Variants in MDFIC2 observed in about 807,000 individuals in gnomAD.
MDFIC2 encodes the protein MyoD family inhibitor domain containing 2.
intron 2 of MDFIC2, among the ~76,000 whole-genome samples, chr3:70,215,818 C>T (rs948982252): frequency 3.3e-5 from 5 of 152,064 alleles, no homozygotes; most frequent in East Asian, 1.9e-4. Flanking sequence ...CTAAAGGTGG[C>T]GTGTCTTGGT....
rs61355248 is a variant in MDFIC2 at position 70,250,411 on chromosome 3, T to TCA, written c.89-43623_89-43622dup. The stretch of plus-strand genomic sequence containing the variant: ...TTCGGTATTTTTCTTTTAATGAATC[T>TCA]CACACACACACACACACACACACAC... On this transcript the variant is annotated intron_variant, in intron 2 of 3. Coordinates refer to ENST00000567252, the MANE Select transcript of MDFIC2 (RefSeq NM_001364677.1). Among the ~76,000 whole-genome samples the TCA allele has an allele frequency of 0.032, 3,990 of 124,858 alleles. 115 individuals carry two copies. In the East Asian group the frequency reaches 0.32, roughly 10 times the overall value. The allele number at this position is 124,858 out of a possible 152,430, so 81.9% of individuals were successfully genotyped here.
intron 2 of MDFIC2, among the ~76,000 whole-genome samples, chr3:70,263,778 T>G (rs1701889818): frequency 6.6e-6 from 1 of 152,164 alleles, no homozygotes; most frequent in South Asian, 2.1e-4. Flanking sequence ...TCAGTAACAC[T>G]GTCTGGCTCC....
chr3:70,198,920 T>C (rs1701208045), intron 3 of MDFIC2, among the ~76,000 whole-genome samples: 1 of 152,206 alleles, frequency 6.6e-6, no homozygotes, highest in Non-Finnish European at 1.5e-5. Context: ...GTTTCAACTA[T>C]GCTTTTCTGA....
intron 2 of MDFIC2, among the ~76,000 whole-genome samples, chr3:70,213,000 G>A (rs1028535197): frequency 2.0e-5 from 3 of 151,958 alleles, no homozygotes; most frequent in Admixed American, 1.3e-4. Flanking sequence ...GCAGAGACTC[G>A]GTTTCACCAT....
intron 2 of MDFIC2, among the ~76,000 whole-genome samples, chr3:70,305,319 A>C (rs997061103): frequency 6.6e-6 from 1 of 152,076 alleles, no homozygotes; most frequent in Non-Finnish European, 1.5e-5. Flanking sequence ...ACGCACTTTC[A>C]TGAGTTAATG....
intron 2 of MDFIC2, among the ~76,000 whole-genome samples, chr3:70,257,372 AG>A: frequency 6.6e-6 from 1 of 152,198 alleles, no homozygotes; most frequent in East Asian, 1.9e-4. Context: ...TAGGAATGTC[AG>A]TAGCCATCAT....
At chr3:70,287,399 G>A (rs1226252490) in intron 2 of MDFIC2, among the ~76,000 whole-genome samples, 1 of 151,280 alleles carries the variant, frequency 6.6e-6, no homozygotes, top group African/African-American at 2.4e-5. Context: ...TGCATCCCAG[G>A]GATGAAGCCC....
At chr3:70,237,964 CTAAT>C (rs1169039473) in intron 2 of MDFIC2, among the ~76,000 whole-genome samples, 2 of 99,672 alleles carry the variant, frequency 2.0e-5, no homozygotes, top group East Asian at 6.5e-4. Flanking sequence ...GGAAAAGAAA[CTAAT>C]TGAGTGGTAT....
At chr3:70,296,949 C>T (rs942109587) in intron 2 of MDFIC2, among the ~76,000 whole-genome samples, 1 of 151,924 alleles carries the variant, frequency 6.6e-6, no homozygotes, top group Admixed American at 6.6e-5. Context: ...CCTCTCTGGT[C>T]TAGTTTATTG....
At chr3:70,256,654 A>G (rs1437388504) in intron 2 of MDFIC2, among the ~76,000 whole-genome samples, 1 of 152,220 alleles carries the variant, frequency 6.6e-6, no homozygotes, top group Non-Finnish European at 1.5e-5. Context: ...AAGCCATGAG[A>G]TGCGTCCCTC....
At chr3:70,261,755 G>T (rs1701868380) in intron 2 of MDFIC2, among the ~76,000 whole-genome samples, 1 of 152,158 alleles carries the variant, frequency 6.6e-6, no homozygotes, top group Non-Finnish European at 1.5e-5. Context: ...ATGTGCAGAG[G>T]AGGAAAGCCT....
At chr3:70,211,808 C>T (rs981080830) in intron 2 of MDFIC2, among the ~76,000 whole-genome samples, 8 of 142,926 alleles carry the variant, frequency 5.6e-5, no homozygotes, top group African/African-American at 1.9e-4. Flanking sequence ...CTTTCCTTAC[C>T]CTTCCCTTCC....
intron 2 of MDFIC2, among the ~76,000 whole-genome samples, chr3:70,257,081 T>C: frequency 6.6e-6 from 1 of 152,016 alleles, no homozygotes; most frequent in Non-Finnish European, 1.5e-5. Context: ...CCATGAAAAA[T>C]GAGAGAGGAT....
At chr3:70,204,021 T>G (rs1159444816) in intron 3 of MDFIC2, among the ~76,000 whole-genome samples, 1 of 152,174 alleles carries the variant, frequency 6.6e-6, no homozygotes, top group East Asian at 1.9e-4. Flanking sequence ...GTAAAGATCC[T>G]TTTAAATTCC....
intron 3 of MDFIC2, 114 bp from the exon 4 acceptor site, chr3:70,197,299 A>G (rs1006962370): frequency 9.1e-5 from 36 of 397,126 alleles, no homozygotes; most frequent in Admixed American, 1.8e-4. Context: ...TTATTTATCC[A>G]CATTAGGGGT....
At chr3:70,244,494 AT>A (rs1701688545) in intron 2 of MDFIC2, among the ~76,000 whole-genome samples, 1 of 152,180 alleles carries the variant, frequency 6.6e-6, no homozygotes, top group South Asian at 2.1e-4. Flanking sequence ...ATTATTTTTA[AT>A]TTTTTAATGC....
chr3:70,238,572 A>C (rs1296048918), intron 2 of MDFIC2, among the ~76,000 whole-genome samples: 1 of 152,028 alleles, frequency 6.6e-6, no homozygotes, highest in Non-Finnish European at 1.5e-5. Context: ...TGATCACACC[A>C]CTGTACTCCA....
intron 2 of MDFIC2, among the ~76,000 whole-genome samples, chr3:70,220,844 G>A (rs909682124): frequency 6.6e-6 from 1 of 152,114 alleles, no homozygotes; most frequent in Non-Finnish European, 1.5e-5. Context: ...GTGCTTCCAT[G>A]ACATTCAGTT....
At chr3:70,255,348 A>G (rs1450146614) in intron 2 of MDFIC2, among the ~76,000 whole-genome samples, 1 of 152,242 alleles carries the variant, frequency 6.6e-6, no homozygotes, top group East Asian at 1.9e-4. Flanking sequence ...AGGACCAAAG[A>G]AGAGGCTTGG....
Sources: allele counts gnomAD v4.1 joint callset (sites outside exome capture counted in the v4.1 genomes callset), GRCh38; gene constraint gnomAD v4.1.1; transcripts MANE v1.5; gene names NCBI Gene and HGNC (gene_info 2026-07-23, HGNC 2026-07-21).